The following COL4A2 variants were observed in gnomAD, a reference collection of about 807,000 sequenced individuals.
COL4A2 encodes collagen type IV alpha 2 chain.
In COL4A2, 99 loss-of-function variants were observed where a neutral mutation model predicts 200.2. The observed-to-expected ratio is 0.49, with a 90% CI of 0.42 to 0.58. The LOEUF (loss-of-function observed/expected upper bound fraction) is 0.58, where lower values mean the gene tolerates loss of function less well. Ranked by LOEUF, COL4A2 falls within the 20% of genes least tolerant of loss-of-function variation. The probability of loss-of-function intolerance (pLI) is 0.00; values close to 1 mark genes in which losing one functional copy is unlikely to be tolerated. For synonymous variants in COL4A2, 897 were observed against 900.6 expected (o/e 1.00, Z 0.07); for missense variants, 1,950 against 2,314.1 (o/e 0.84, Z 3.23).
intron 3 of COL4A2, among the ~76,000 whole-genome samples, chr13:110,350,278 C>T (rs759477049): frequency 2.6e-5 from 4 of 152,188 alleles, no homozygotes; most frequent in African/African-American, 4.8e-5. Context: ...CCAACTGGCT[C>T]CTAAACATTT....
chr13:110,430,109 G>A (rs952981007), intron 8 of COL4A2, 153 bp downstream of exon 8: 24 of 801,496 alleles, frequency 3.0e-5, no homozygotes, highest in African/African-American at 2.5e-4. Context: ...TCTTACTTCC[G>A]ATCAGGATGT....
chr13:110,364,745 G>A (rs1877670079), intron 4 of COL4A2, among the ~76,000 whole-genome samples: 1 of 152,010 alleles, frequency 6.6e-6, no homozygotes, highest in South Asian at 2.1e-4. Context: ...TTACACATTT[G>A]CTATGAGTTT....
At chr13:110,361,152 A>G (rs1566493203) in intron 4 of COL4A2, among the ~76,000 whole-genome samples, 1 of 152,256 alleles carries the variant, frequency 6.6e-6, no homozygotes, top group Non-Finnish European at 1.5e-5. Flanking sequence ...TGCTGCATCT[A>G]CTGTATTAAA....
At chr13:110,339,952 A>G (rs1447493666) in intron 3 of COL4A2, among the ~76,000 whole-genome samples, 1 of 152,188 alleles carries the variant, frequency 6.6e-6, no homozygotes, top group African/African-American at 2.4e-5. Flanking sequence ...CACTGTTTAC[A>G]CTGATTGGAA....
rs1193122277 is a variant in COL4A2 at position 110,307,872 on chromosome 13, T to A, written c.-32T>A. On this transcript the variant is annotated 5_prime_UTR_variant, in exon 2 of 48. Transcript: ENST00000360467. The surrounding 1 kb of genome is among the most constrained non-coding windows in gnomAD (Gnocchi z 5.0). ...CTGTCGCCTCTAGGCTAAGTGGGAC[T>A]GACCGGGGCCCAGAGTGGACGAACC... is the stretch of plus-strand genomic sequence containing the variant. 2 of 1,606,228 alleles carry A rather than the reference T, an allele frequency of 1.2e-6. No individual in the cohort carries two copies. Among genetic ancestry groups the A allele is most frequent in the Non-Finnish European group, 1.7e-6 (2 of 1,176,090 alleles).
At chr13:110,461,890 C>A in intron 22 of COL4A2, 1 of 611,644 alleles carries the variant, frequency 1.6e-6, no homozygotes, top group Non-Finnish European at 2.9e-6. Context: ...TCAGTCCCAC[C>A]ATCCGCAGTT....
At chr13:110,492,315 G>A (rs910100150) in intron 38 of COL4A2, 138 bp downstream of exon 38, 11 of 724,698 alleles carry the variant, frequency 1.5e-5, no homozygotes, top group Admixed American at 5.6e-5. Context: ...TGTGGCTTAC[G>A]GTGGTCTGCA....
intron 3 of COL4A2, among the ~76,000 whole-genome samples, chr13:110,318,043 G>C (rs1594142406): frequency 6.6e-6 from 1 of 152,138 alleles, no homozygotes; most frequent in South Asian, 2.1e-4. Context: ...GGATAGGTGT[G>C]GTCTGTTAAA....
At position 110,485,797 on chromosome 13, in the gene COL4A2, C is replaced by T; in HGVS notation, c.3168C>T (p.Pro1056=). Residue 1056 remains proline (P), a synonymous_variant, in exon 34 of 48, where the codon CCC becomes CCT. Transcript: ENST00000360467. Reference sequence around the variant, plus strand: ...CAGGATTCCCTGGGGTGGCTGGCCCCCCTGGAATTACGGGATTCCCAGGAT... The same window carrying T: ...CAGGATTCCCTGGGGTGGCTGGCCCTCCTGGAATTACGGGATTCCCAGGAT... The part of the protein sequence containing the change: ...GLPGFPGVAG[P]PGITGFPGFI... 1 of 1,613,790 alleles carries T rather than the reference C, an allele frequency of 6.2e-7. No individual in the cohort carries two copies. The highest frequency in any genetic ancestry group is 1.3e-5 in the African/African-American group (1 of 75,046).
intron 4 of COL4A2, among the ~76,000 whole-genome samples, chr13:110,385,521 GTTA>G (rs1421572092): frequency 0.057 from 6,969 of 123,168 alleles, 1,346 homozygotes; most frequent in East Asian, 0.092. Flanking sequence ...ATAGGCCGTG[GTTA>G]CAGTGCGTGG....
At position 110,480,806 on chromosome 13, in the gene COL4A2, A is replaced by C. The variant is rs115965883; in HGVS notation, c.2758+416A>C. Among the ~76,000 whole-genome samples, 119 of 152,390 alleles carry C rather than the reference A, an allele frequency of 7.8e-4. 1 individual carries two copies. The highest frequency in any genetic ancestry group is 2.7e-3 in the African/African-American group (113 of 41,596). ...TACAGGGATAGGTTTATTTCAGCAC[A>C]AGCAGGCCAATCTAGAAGCAGAGCC... On this transcript the variant is annotated intron_variant, in intron 31 of 47. Coordinates refer to ENST00000360467, the MANE Select transcript of COL4A2 (RefSeq NM_001846.4).
At chr13:110,448,845 T>A (rs2391829) in intron 18 of COL4A2, among the ~76,000 whole-genome samples, 2 of 152,308 alleles carry the variant, frequency 1.3e-5, no homozygotes, top group East Asian at 1.9e-4. Flanking sequence ...ACTTGGCTGC[T>A]TTTACTGAGG....
At chr13:110,510,639 C>T (rs530917632) in intron 47 of COL4A2, among the ~76,000 whole-genome samples, 32 of 149,184 alleles carry the variant, frequency 2.1e-4, no homozygotes, top group Admixed American at 4.7e-4. Context: ...TGTGTACATG[C>T]GTGCATTTGT....
rs1281205141 is a variant in COL4A2, at chr13:110,465,502, T to A, written c.1874T>A (p.Leu625His). 2.5e-6 allele frequency: 4 copies of A among 1,614,036 alleles called. No individual in the cohort carries two copies. The highest frequency in any genetic ancestry group is 3.4e-6 in the Non-Finnish European group (4 of 1,180,012). Residue 625 changes from leucine to histidine, a missense_variant, in exon 25 of 48, where the codon CTT becomes CAT. Coordinates refer to ENST00000360467, the MANE Select transcript of COL4A2 (RefSeq NM_001846.4). The part of the protein sequence containing the change: ...PGEMGPPGLG[L>H]PGLKGQRGFP... ...GAAATGGGCCCCCCAGGACTGGGCCTTCCCGGCCTCAAAGGCCAACGTGGT... is the reference window on the plus strand; with the variant it reads ...GAAATGGGCCCCCCAGGACTGGGCCATCCCGGCCTCAAAGGCCAACGTGGT...
At chr13:110,379,510 C>T (rs1248763549) in intron 4 of COL4A2, among the ~76,000 whole-genome samples, 2 of 152,148 alleles carry the variant, frequency 1.3e-5, no homozygotes, top group Non-Finnish European at 2.9e-5. Flanking sequence ...GAGCCAGGGG[C>T]GCCGGGCAGC....
chr13:110,465,366 T>A, intron 24 of COL4A2, 39 bp from the exon 25 acceptor site: 1 of 1,559,682 alleles, frequency 6.4e-7, no homozygotes, highest in Non-Finnish European at 8.6e-7. Context: ...TCTTTAACAT[T>A]AGTATATATT....
chr13:110,385,883 T>C lies in COL4A2; in HGVS notation c.180+28331T>C, dbSNP rs760470227. Among the ~76,000 whole-genome samples, 21 of 128,532 alleles carry C rather than the reference T, an allele frequency of 1.6e-4. 3 individuals are homozygous for C. The highest frequency in any genetic ancestry group is 1.6e-3 in the East Asian group (7 of 4,378). 84.3% of individuals were successfully genotyped at this position (128,532 alleles called of 152,430 possible). A position where few individuals can be genotyped will look rare whatever the true frequency, so the allele number is the denominator to read the frequency against. ...TTGCAGCGTGTGGATGGGCCGTGGT[T>C]ACAGCGTGTGGATAGGCCGTGGTTA... On this transcript the variant is annotated intron_variant, in intron 4 of 47. Transcript: ENST00000360467.
intron 4 of COL4A2, among the ~76,000 whole-genome samples, chr13:110,410,823 G>C (rs546172667): frequency 9.9e-5 from 15 of 152,268 alleles, no homozygotes; most frequent in East Asian, 5.8e-4. Context: ...TGACTTGCCT[G>C]TGGTCATAGA....
chr13:110,422,326 C>T (rs1007622487), intron 4 of COL4A2, among the ~76,000 whole-genome samples: 2 of 152,206 alleles, frequency 1.3e-5, no homozygotes, highest in African/African-American at 2.4e-5. Flanking sequence ...CAACAAATGT[C>T]GTGTAGGAAA....
Sources: gnomAD v4.1 joint callset for allele counts (sites outside exome capture counted in the v4.1 genomes callset) on GRCh38, gnomAD v4.1.1 for gene constraint, Gnocchi (gnomAD v3.1) non-coding constraint, MANE v1.5 for transcripts, NCBI Gene and HGNC (gene_info 2026-07-23, HGNC 2026-07-21) for gene names.